KDELR3: variants seen among roughly 807,000 people sequenced by gnomAD.
KDELR3 encodes KDEL endoplasmic reticulum protein retention receptor 3.
In KDELR3, 26 loss-of-function variants were observed where a neutral mutation model predicts 22.7. The observed-to-expected ratio is 1.15, with a 90% CI of 0.84 to 1.59. KDELR3 has a LOEUF of 1.59. Ranked by LOEUF, KDELR3 falls within the 40% of genes most tolerant of loss-of-function variation. The pLI, the probability that KDELR3 is intolerant of heterozygous loss-of-function variation, is 0.00. For synonymous variants in KDELR3, 120 were observed against 98.2 expected (o/e 1.22, Z -1.31); for missense variants, 289 against 251.1 (o/e 1.15, Z -1.02).
At position 38,482,541 on chromosome 22, in the gene KDELR3, C is replaced by A; in HGVS notation, c.*5C>A. The A allele has an allele frequency of 6.2e-7, 1 of 1,610,030 alleles. No individual in the cohort carries two copies. ...AGTCTTCCAATGCCAATCTGAGGAC[C>A]TTCAGAGACAGTCTACGCCTTAACA... On this transcript the variant is annotated 3_prime_UTR_variant, in exon 5 of 5. Coordinates refer to ENST00000216014, the MANE Select transcript of KDELR3 (RefSeq NM_006855.4).
At chr22:38,481,057 GGTTA>G (rs1165457540) in intron 3 of KDELR3, among the ~76,000 whole-genome samples, 151 bp from the exon 4 acceptor site, 5 of 152,226 alleles carry the variant, frequency 3.3e-5, no homozygotes, top group Non-Finnish European at 7.4e-5. Flanking sequence ...AGAGATGGTA[GGTTA>G]AACTGATTAA....
At chr22:38,481,163 G>A (rs1213285385) in intron 3 of KDELR3, 49 bp from the exon 4 acceptor site, 12 of 1,485,808 alleles carry the variant, frequency 8.1e-6, no homozygotes, top group Non-Finnish European at 1.1e-5. Flanking sequence ...TTTAAGATGG[G>A]CCTCTTCTTG....
At chr22:38,481,107 TTACTG>T in intron 3 of KDELR3, 100 bp from the exon 4 acceptor site, 1 of 1,038,530 alleles carries the variant, frequency 9.6e-7, no homozygotes, top group Non-Finnish European at 1.4e-6. Context: ...TTTTCCCTCC[TTACTG>T]TACCTTCTCC....
chr22:38,481,959 G>A (rs184270891), intron 4 of KDELR3, among the ~76,000 whole-genome samples: 1 of 152,348 alleles, frequency 6.6e-6, no homozygotes, highest in East Asian at 1.9e-4. Flanking sequence ...TATGTTTTAA[G>A]AAAGTTTACA....
At chr22:38,478,795 TG>T (rs55779215) in intron 2 of KDELR3, among the ~76,000 whole-genome samples, 151,252 of 151,252 alleles carry the variant, frequency 1, 75,626 homozygotes, top group Non-Finnish European at 1. Flanking sequence ...GGCGCCCGCA[TG>T]CATGCCTGGC....
chr22:38,476,988 C>T (rs2089564174), intron 2 of KDELR3, among the ~76,000 whole-genome samples: 1 of 151,560 alleles, frequency 6.6e-6, no homozygotes, highest in Non-Finnish European at 1.5e-5. Flanking sequence ...CGGCTCATTG[C>T]AACCTCCACC....
intron 3 of KDELR3, among the ~76,000 whole-genome samples, chr22:38,480,189 G>A (rs1310913750): frequency 6.6e-6 from 1 of 152,086 alleles, no homozygotes; most frequent in African/African-American, 2.4e-5. Context: ...TGTTGCCCAG[G>A]CTGGAGTGCA....
intron 1 of KDELR3, among the ~76,000 whole-genome samples, chr22:38,471,712 C>T (rs949160107): frequency 6.1e-4 from 93 of 152,272 alleles, no homozygotes; most frequent in African/African-American, 2.0e-3. Flanking sequence ...CCATGTAATC[C>T]CAGCACTTTG....
intron 1 of KDELR3, among the ~76,000 whole-genome samples, chr22:38,473,264 A>G (rs1008680546): frequency 1.9e-4 from 29 of 151,776 alleles, no homozygotes; most frequent in African/African-American, 7.0e-4. Context: ...CTCTACAAAA[A>G]TAATAATAAT....
At chr22:38,470,606 A>G (rs34145443) in intron 1 of KDELR3, among the ~76,000 whole-genome samples, 9,103 of 152,038 alleles carry the variant, frequency 0.06, 308 homozygotes, top group African/African-American at 0.077. Context: ...AGCCCCAAAG[A>G]CCAGAGACTT....
intron 1 of KDELR3, among the ~76,000 whole-genome samples, chr22:38,472,960 CA>C (rs1163383940): frequency 2.0e-5 from 3 of 152,080 alleles, no homozygotes; most frequent in Non-Finnish European, 4.4e-5. Flanking sequence ...CTCGGCCTCC[CA>C]AAGTGTTGGA....
At chr22:38,469,621 G>A (rs180718710) in intron 1 of KDELR3, among the ~76,000 whole-genome samples, 24 of 152,152 alleles carry the variant, frequency 1.6e-4, no homozygotes, top group East Asian at 7.7e-4. Flanking sequence ...TGGGGGACCC[G>A]GAGCAGCAGG....
intron 1 of KDELR3, 141 bp downstream of exon 1, chr22:38,468,465 T>C (rs1263863111): frequency 9.4e-6 from 6 of 638,932 alleles, no homozygotes; most frequent in Middle Eastern, 3.8e-4. Flanking sequence ...GGAGCTCCAC[T>C]TCCAAAAACA....
intron 1 of KDELR3, among the ~76,000 whole-genome samples, chr22:38,469,351 G>A (rs993796390): frequency 6.6e-6 from 1 of 152,198 alleles, no homozygotes; most frequent in Admixed American, 6.5e-5. Context: ...AGGGAGTTGG[G>A]TCTGGGGAGC....
At position 38,482,618 on chromosome 22, in the gene KDELR3, T is replaced by C; in HGVS notation, c.*82T>C. 7.8e-7 allele frequency: 1 copy of C among 1,280,976 alleles called. No individual in the cohort carries two copies. The highest frequency in any genetic ancestry group is 1.5e-5 in the African/African-American group (1 of 68,036). 79.4% of individuals were successfully genotyped at this position (1,280,976 alleles called of 1,614,324 possible). ...GTTCTCTTTGGCAACTTATCCATAA[T>C]TTGGGATCAAATGTTAAAACCAGAA... On this transcript the variant is annotated 3_prime_UTR_variant, in exon 5 of 5. Transcript: ENST00000216014.
chr22:38,472,244 G>A lies in KDELR3; in HGVS notation c.92-2279G>A, dbSNP rs555080698. ...TGTAATCCCAGCACTTTGGGAGGCC[G>A]AAGTGGGCAGTCACTTGAGGTCAGG... On this transcript the variant is annotated intron_variant, in intron 1 of 4. Coordinates refer to ENST00000216014, the MANE Select transcript of KDELR3 (RefSeq NM_006855.4). Among the ~76,000 whole-genome samples the A allele has an allele frequency of 6.6e-5, 10 of 152,224 alleles. No individual in the cohort carries two copies. The South Asian group carries it at 2.1e-3, about 32-fold the overall frequency.
chr22:38,468,159 G>T lies in KDELR3; in HGVS notation c.-75G>T, dbSNP rs1221208047. On this transcript the variant is annotated 5_prime_UTR_variant, in exon 1 of 5. Transcript: ENST00000216014. ...GCACCTAGAGACCGGGGCCGGAGAC[G>T]TGGCAGCCGCCCTGCCCGCCAGAAA... 2 of 1,349,128 alleles carry T rather than the reference G, an allele frequency of 1.5e-6. No individual in the cohort carries two copies. Among genetic ancestry groups the T allele is most frequent in the African/African-American group, 2.9e-5 (2 of 69,582 alleles). The allele number at this position is 1,349,128 out of a possible 1,614,324, so 83.6% of individuals were successfully genotyped here. A position where few individuals can be genotyped will look rare whatever the true frequency, so the allele number is the denominator to read the frequency against.
chr22:38,480,445 G>C (rs1569133563), intron 3 of KDELR3, among the ~76,000 whole-genome samples: 1 of 152,092 alleles, frequency 6.6e-6, no homozygotes, highest in Non-Finnish European at 1.5e-5. Flanking sequence ...AACATGACTA[G>C]ATTTTAAGAA....
chr22:38,469,115 C>T (rs972583124), intron 1 of KDELR3, among the ~76,000 whole-genome samples: 3 of 152,188 alleles, frequency 2.0e-5, no homozygotes, highest in African/African-American at 4.8e-5. Flanking sequence ...GAGTGGGCCC[C>T]GAAGGCCCTG....
Sources: allele counts gnomAD v4.1 joint callset (sites outside exome capture counted in the v4.1 genomes callset), GRCh38; gene constraint gnomAD v4.1.1; transcripts MANE v1.5; gene names NCBI Gene and HGNC (gene_info 2026-07-23, HGNC 2026-07-21).